The following ETNK1 variants were observed in gnomAD, a reference collection of about 807,000 sequenced individuals.
The protein encoded by ETNK1 is ethanolamine kinase 1.
In ETNK1, 8 loss-of-function variants were observed where a neutral mutation model predicts 45.1. The ratio of observed to expected loss-of-function variants is 0.18; its 90% CI spans 0.10 to 0.32. The LOEUF (loss-of-function observed/expected upper bound fraction) is 0.32. ETNK1 is among the 10% of genes least tolerant of loss of function. ETNK1 has a pLI of 1.00. For missense variants in ETNK1, 302 were observed against 430.6 expected, an observed-to-expected ratio of 0.70 and a Z score of 2.64; for synonymous variants, 152 against 151.9, an observed-to-expected ratio of 1.00 and a Z score of -0.01.
At chr12:22,650,947 C>A (rs1185848920) in intron 2 of ETNK1, among the ~76,000 whole-genome samples, 2 of 152,088 alleles carry the variant, frequency 1.3e-5, no homozygotes, top group Non-Finnish European at 2.9e-5. Context: ...ATTGAAGCAG[C>A]ATTTTTATCT....
intron 4 of ETNK1, among the ~76,000 whole-genome samples, chr12:22,668,407 C>T (rs1295865255): frequency 2.0e-5 from 3 of 152,128 alleles, no homozygotes; most frequent in Non-Finnish European, 4.4e-5. Flanking sequence ...TTTTCTGGCA[C>T]CCTAACTAAG....
chr12:22,670,296 T>C (rs1161888856), intron 4 of ETNK1, among the ~76,000 whole-genome samples: 1 of 152,134 alleles, frequency 6.6e-6, no homozygotes, highest in African/African-American at 2.4e-5. Context: ...TCTGTTCATA[T>C]ATCCATTTTT....
chr12:22,680,614 G>T (rs1954204923), intron 6 of ETNK1, among the ~76,000 whole-genome samples: 1 of 152,124 alleles, frequency 6.6e-6, no homozygotes. Flanking sequence ...ATTCCTTATG[G>T]ATGTGTCTTA....
At chr12:22,653,028 G>A (rs894296413) in intron 2 of ETNK1, among the ~76,000 whole-genome samples, 1 of 152,084 alleles carries the variant, frequency 6.6e-6, no homozygotes, top group East Asian at 1.9e-4. Context: ...TGTAAGGAAA[G>A]GGTCCAGCTT....
intron 4 of ETNK1, among the ~76,000 whole-genome samples, chr12:22,667,677 A>G (rs1451989310): frequency 6.6e-6 from 1 of 152,180 alleles, no homozygotes; most frequent in Non-Finnish European, 1.5e-5. Context: ...CCTGCCTAAC[A>G]TTGCAGAGCA....
At chr12:22,647,384 G>T (rs1044446495) in intron 2 of ETNK1, among the ~76,000 whole-genome samples, 1 of 151,714 alleles carries the variant, frequency 6.6e-6, no homozygotes, top group African/African-American at 2.4e-5. Flanking sequence ...ATGTACAGTT[G>T]GTAGTGTTTT....
chr12:22,639,921 T>A (rs1953713165), intron 1 of ETNK1, among the ~76,000 whole-genome samples: 1 of 152,218 alleles, frequency 6.6e-6, no homozygotes, highest in Admixed American at 6.5e-5. Context: ...GGGAATTCTT[T>A]GGTAGATAAC....
intron 1 of ETNK1, among the ~76,000 whole-genome samples, chr12:22,637,405 T>TA (rs1187297687): frequency 2.0e-5 from 3 of 152,210 alleles, no homozygotes; most frequent in African/African-American, 4.8e-5. Context: ...AGTGGCCCAT[T>TA]AGATGATTTT....
At position 22,625,774 on chromosome 12, in the gene ETNK1, G is replaced by A. The variant is rs191172938; in HGVS notation, c.156+188G>A. 51 of 868,734 alleles carry A rather than the reference G, an allele frequency of 5.9e-5. No homozygotes were observed. In the African/African-American group the frequency reaches 8.3e-4, roughly 14 times the overall value. 53.8% of individuals were successfully genotyped at this position (868,734 alleles called of 1,614,324 possible). Reference sequence around the variant, plus strand: ...GTCACTCCCCCTTCCCGTCGCAGTTGCTCTTTGAGATTGACCTGAGGCACA... The same window carrying A: ...GTCACTCCCCCTTCCCGTCGCAGTTACTCTTTGAGATTGACCTGAGGCACA... On this transcript the variant is annotated intron_variant, in intron 1 of 7. Transcript: ENST00000266517.
intron 4 of ETNK1, 33 bp downstream of exon 4, chr12:22,661,238 G>T (rs898321575): frequency 2.6e-6 from 4 of 1,554,336 alleles, no homozygotes; most frequent in South Asian, 2.4e-5. Context: ...AAGTAAAATT[G>T]ATTTCTTTTA....
In ETNK1 at chr12:22,642,555, T is replaced by C. The variant is rs79232500; in HGVS notation, c.157-1208T>C. Among the ~76,000 whole-genome samples the C allele has an allele frequency of 2.6e-3, 399 of 152,156 alleles. 15 individuals are homozygous for C. The East Asian group carries it at 0.066, about 25-fold the overall frequency. ...GCCCTATATATAATAAAAACCATTATATAAACACTGGTTAGTTGTATATTA... is the reference window on the plus strand; with the variant it reads ...GCCCTATATATAATAAAAACCATTACATAAACACTGGTTAGTTGTATATTA... On this transcript the variant is annotated intron_variant, in intron 1 of 7. Transcript: ENST00000266517.
At chr12:22,677,957 A>C (rs938788100) in intron 6 of ETNK1, among the ~76,000 whole-genome samples, 1 of 152,006 alleles carries the variant, frequency 6.6e-6, no homozygotes, top group East Asian at 1.9e-4. Flanking sequence ...TCCTGTTCTT[A>C]TTTTATCAGA....
chr12:22,643,707 T>A lies in ETNK1; in HGVS notation c.157-56T>A, dbSNP rs539047349. 10 of 1,450,546 alleles carry A rather than the reference T, an allele frequency of 6.9e-6. No homozygotes were observed. The African/African-American group carries it at 1.3e-4, about 19-fold the overall frequency. 89.9% of individuals were successfully genotyped at this position (1,450,546 alleles called of 1,614,324 possible). A position where few individuals can be genotyped will look rare whatever the true frequency, so the allele number is the denominator to read the frequency against. On this transcript the variant is annotated intron_variant, in intron 1 of 7. Coordinates refer to ENST00000266517, the MANE Select transcript of ETNK1 (RefSeq NM_018638.5). The stretch of plus-strand genomic sequence containing the variant: ...CTCATGATTTTCAATTTATCTCCTG[T>A]TCTCTAAAGATAGATAATTGCTTTT...
At chr12:22,672,190 T>C (rs1458534817) in intron 5 of ETNK1, among the ~76,000 whole-genome samples, 1 of 152,112 alleles carries the variant, frequency 6.6e-6, no homozygotes, top group East Asian at 1.9e-4. Context: ...CCCCTATTAA[T>C]TTATAATTAC....
chr12:22,654,954 T>C (rs1213244995), intron 2 of ETNK1, among the ~76,000 whole-genome samples: 2 of 152,322 alleles, frequency 1.3e-5, no homozygotes, highest in African/African-American at 4.8e-5. Context: ...ATTCAATCTT[T>C]CTATTGTAAC....
At chr12:22,653,710 ACTG>A (rs1325915580) in intron 2 of ETNK1, among the ~76,000 whole-genome samples, 1 of 152,166 alleles carries the variant, frequency 6.6e-6, no homozygotes, top group Non-Finnish European at 1.5e-5. Flanking sequence ...CTGTTCTGCA[ACTG>A]CTGAATTTGA....
intron 1 of ETNK1, among the ~76,000 whole-genome samples, chr12:22,631,743 T>G (rs1953582997): frequency 6.6e-6 from 1 of 152,106 alleles, no homozygotes; most frequent in Non-Finnish European, 1.5e-5. Flanking sequence ...GAAAGAAGAT[T>G]AAGGTGTTTT....
At chr12:22,673,413 G>T in intron 5 of ETNK1, 87 bp from the exon 6 acceptor site, 1 of 1,001,768 alleles carries the variant, frequency 1.0e-6, no homozygotes, top group South Asian at 2.4e-5. Flanking sequence ...CATTTTTTAT[G>T]AAAAAATGGT....
chr12:22,675,716 C>T (rs570548403), intron 6 of ETNK1, among the ~76,000 whole-genome samples: 4 of 152,146 alleles, frequency 2.6e-5, no homozygotes, highest in Admixed American at 1.3e-4. Context: ...AACTTACTTA[C>T]TCTGATTCAA....
Sources: allele counts gnomAD v4.1 joint callset (sites outside exome capture counted in the v4.1 genomes callset), GRCh38; gene constraint gnomAD v4.1.1; transcripts MANE v1.5; gene names NCBI Gene and HGNC (gene_info 2026-07-23, HGNC 2026-07-21).